Variants in SLC44A5 observed in about 807,000 individuals in gnomAD.
SLC44A5 encodes the protein solute carrier family 44 member 5, also known as choline transporter-like protein 5.
A neutral mutation model predicts 101.8 loss-of-function variants in SLC44A5; 57 were observed. The observed-to-expected ratio is 0.56, with a 90% confidence interval of 0.45 to 0.70. The LOEUF is 0.70. SLC44A5 is among the 30% of genes least tolerant of loss of function. The pLI is 0.00. For missense variants in SLC44A5, 737 were observed against 853.1 expected, an observed-to-expected ratio of 0.86 and a Z score of 1.70; for synonymous variants, 281 against 290.9, an observed-to-expected ratio of 0.97 and a Z score of 0.35.
intron 3 of SLC44A5, among the ~76,000 whole-genome samples, chr1:75,344,968 G>A (rs550369374): frequency 6.6e-6 from 1 of 151,128 alleles, no homozygotes; most frequent in South Asian, 2.1e-4. Context: ...ACCTACATTA[G>A]TGCCTGTTGT....
intron 1 of SLC44A5, among the ~76,000 whole-genome samples, chr1:75,594,775 CT>C (rs769874638): frequency 2.9e-4 from 42 of 147,042 alleles, no homozygotes; most frequent in Admixed American, 4.1e-4. Flanking sequence ...AAGATGGTAC[CT>C]TTTTTTTTTA....
At position 75,610,410 on chromosome 1, in the gene SLC44A5, A is replaced by G. The variant is rs1675589312; in HGVS notation, c.-70+630T>C. 2.6e-5 allele frequency among the ~76,000 whole-genome samples: 4 copies of G among 152,090 alleles called. No individual in the cohort carries two copies. The South Asian group carries it at 8.3e-4, about 32-fold the overall frequency. Reference sequence around the variant, plus strand: ...TACTATTCATCAAAATACCGACAATATTTTGGGCTGAAATGTTAATAATAT... The same window carrying G: ...TACTATTCATCAAAATACCGACAATGTTTTGGGCTGAAATGTTAATAATAT... On this transcript the variant is annotated intron_variant, in intron 1 of 23. Transcript: ENST00000370859.
At chr1:75,422,506 T>G (rs1346990440) in intron 2 of SLC44A5, among the ~76,000 whole-genome samples, 2 of 152,178 alleles carry the variant, frequency 1.3e-5, no homozygotes, top group Non-Finnish European at 2.9e-5. Flanking sequence ...GAAAGTAAAC[T>G]TTAGTTTATT....
chr1:75,373,132 G>A (rs963228634), intron 3 of SLC44A5, among the ~76,000 whole-genome samples: 20 of 152,148 alleles, frequency 1.3e-4, no homozygotes, highest in Non-Finnish European at 2.9e-4. Flanking sequence ...TCTAGAAGAT[G>A]GCTGACTAGA....
At chr1:75,237,185 C>A in intron 10 of SLC44A5, 115 bp from the exon 11 acceptor site, 2 of 604,992 alleles carry the variant, frequency 3.3e-6, no homozygotes, top group East Asian at 2.8e-5. Flanking sequence ...TTTTCAGAAA[C>A]CATCTATCAG....
intron 5 of SLC44A5, among the ~76,000 whole-genome samples, chr1:75,292,933 C>T (rs946715176): frequency 1.8e-4 from 27 of 152,178 alleles, no homozygotes; most frequent in African/African-American, 5.8e-4. Context: ...ACTTGGGTTA[C>T]GTTGGTGAAT....
intron 3 of SLC44A5, among the ~76,000 whole-genome samples, chr1:75,394,478 T>A (rs1203821757): frequency 7.9e-5 from 12 of 152,188 alleles, no homozygotes; most frequent in Admixed American, 7.9e-4. Context: ...TATTTACATG[T>A]AGGCAAGAGA....
At chr1:75,633,395 T>C in the SLC44A5 span, among the ~76,000 whole-genome samples, 1 of 152,322 alleles carries the variant, frequency 6.6e-6, no homozygotes, top group African/African-American at 2.4e-5. Context: ...TTTTATTTCA[T>C]TGAGCAGTGG....
At chr1:75,409,574 G>A (rs2101498158) in intron 2 of SLC44A5, among the ~76,000 whole-genome samples, 1 of 152,156 alleles carries the variant, frequency 6.6e-6, no homozygotes, top group African/African-American at 2.4e-5. Flanking sequence ...AGATAGCAAA[G>A]AGAATAATAT....
intron 2 of SLC44A5, among the ~76,000 whole-genome samples, chr1:75,468,790 T>A (rs1216618134): frequency 6.6e-6 from 1 of 152,150 alleles, no homozygotes; most frequent in African/African-American, 2.4e-5. Context: ...TCAATGATAA[T>A]TTAATTGTAC....
At chr1:75,230,978 AG>A (rs1463455203) in intron 12 of SLC44A5, among the ~76,000 whole-genome samples, 1 of 152,208 alleles carries the variant, frequency 6.6e-6, no homozygotes, top group Admixed American at 6.5e-5. Context: ...TCATGTTTAT[AG>A]TATCCACTGA....
intron 2 of SLC44A5, among the ~76,000 whole-genome samples, chr1:75,477,563 T>C (rs1296940702): frequency 1.3e-5 from 2 of 152,036 alleles, no homozygotes; most frequent in Non-Finnish European, 2.9e-5. Context: ...TTAAAGGAGC[T>C]GATGGAGCTG....
rs186875140 is a variant in SLC44A5 at position 75,317,462 on chromosome 1, A to C, written c.102-16777T>G. On this transcript the variant is annotated intron_variant, in intron 4 of 23. Coordinates refer to ENST00000370859, the MANE Select transcript of SLC44A5 (RefSeq NM_001130058.2). Reference sequence around the variant, plus strand: ...TGTAGCAAATTCCTTAGTTGGGTTCAGTCGCTTATTCTCAATGTTTTTGTG... The same window carrying C: ...TGTAGCAAATTCCTTAGTTGGGTTCCGTCGCTTATTCTCAATGTTTTTGTG... Among the ~76,000 whole-genome samples the C allele has an allele frequency of 2.2e-3, 329 of 152,352 alleles. 4 individuals carry two copies. The highest frequency in any genetic ancestry group is 1.0e-3 in the Non-Finnish European group (68 of 68,038).
intron 5 of SLC44A5, among the ~76,000 whole-genome samples, chr1:75,277,539 A>C (rs1246340650): frequency 2.0e-5 from 3 of 152,186 alleles, no homozygotes; most frequent in Non-Finnish European, 4.4e-5. Context: ...AAAAGGATAA[A>C]GGAGGAATGA....
chr1:75,339,747 C>G lies in SLC44A5; in HGVS notation c.53-117G>C, dbSNP rs536737770. On this transcript the variant is annotated intron_variant, in intron 3 of 23. Coordinates refer to ENST00000370859, the MANE Select transcript of SLC44A5 (RefSeq NM_001130058.2). The stretch of plus-strand genomic sequence containing the variant: ...CCACTGCTCAGTGCAGTGATGAATT[C>G]ATACTTTGGTTTGATGAAACATAAG... The G allele has an allele frequency of 1.5e-3, 1,215 of 800,808 alleles. 3 individuals carry two copies. Among genetic ancestry groups the G allele is most frequent in the Non-Finnish European group, 1.9e-3 (985 of 529,646 alleles). The allele number at this position is 800,808 out of a possible 1,614,324, so 49.6% of individuals were successfully genotyped here.
Position 75,381,593 on chromosome 1 carries a change from CT to C in SLC44A5, c.52+14989del, listed in dbSNP as rs1225796524. On this transcript the variant is annotated intron_variant, in intron 3 of 23. Transcript: ENST00000370859. ...CCTTTACAAAGTTGCGTAAAGCCCC[CT>C]TATATGCTAGTTGTAGGAAATATAG... 1.1e-4 allele frequency among the ~76,000 whole-genome samples: 3 copies of C among 27,610 alleles called. 1 individual carries two copies. The highest frequency in any genetic ancestry group is 9.9e-4 in the African/African-American group (3 of 3,038). 18.1% of individuals were successfully genotyped at this position (27,610 alleles called of 152,430 possible).
chr1:75,259,979 G>A (rs1406969969), intron 6 of SLC44A5, among the ~76,000 whole-genome samples: 1 of 152,132 alleles, frequency 6.6e-6, no homozygotes, highest in Non-Finnish European at 1.5e-5. Flanking sequence ...AGCAAATGCT[G>A]AGAGATTTTG....
At chr1:75,534,102 C>T (rs2101927787) in intron 2 of SLC44A5, among the ~76,000 whole-genome samples, 1 of 152,268 alleles carries the variant, frequency 6.6e-6, no homozygotes, top group African/African-American at 2.4e-5. Context: ...TCGAGACAGG[C>T]ATTATCAATT....
chr1:75,236,987 A>G lies in SLC44A5; in HGVS notation c.740T>C (p.Ile247Thr), dbSNP rs573573103. The change falls in exon 11 of 24, where the codon ATT becomes ACT. Residue 247 changes from isoleucine (I) to threonine (T), a missense_variant and splice_region_variant. Ile to Thr is a moderately conservative substitution (Grantham distance 89). This residue lies in a region of SLC44A5 where 665 missense variants were observed against 764.4 expected (regional missense o/e 0.87). Transcript: ENST00000370859. ...GAAACATCTATGTGTTTTCACTTACATGAGAATCCAATACCAAGTTCTTGC... is the reference window on the plus strand; with the variant it reads ...GAAACATCTATGTGTTTTCACTTACGTGAGAATCCAATACCAAGTTCTTGC... ...DYARTWYWIL[I>T]GLTIAMVLSW... 1.5e-5 allele frequency: 23 copies of G among 1,563,770 alleles called. No individual in the cohort carries two copies. The South Asian group carries it at 1.7e-4, about 12-fold the overall frequency.
Sources: gnomAD v4.1 joint callset for allele counts (sites outside exome capture counted in the v4.1 genomes callset) on GRCh38, gnomAD v4.1.1 for gene constraint, gnomAD v4.1.1 regional missense constraint, MANE v1.5 for transcripts, NCBI Gene and HGNC (gene_info 2026-07-23, HGNC 2026-07-21) for gene names.